The following NKAIN2 variants were observed in gnomAD, a reference collection of about 807,000 sequenced individuals.
The protein encoded by NKAIN2 is sodium/potassium-transporting ATPase subunit beta-1-interacting protein 2.
NKAIN2 carries 14 observed loss-of-function variants against 32.6 expected under a neutral mutation model. That is an observed-to-expected ratio of 0.43 (90% CI 0.28 to 0.67). The LOEUF (loss-of-function observed/expected upper bound fraction) is 0.67, where lower values mean the gene tolerates loss of function less well. NKAIN2 is among the 30% of genes least tolerant of loss of function. NKAIN2 has a pLI of 0.17. For synonymous variants in NKAIN2, 80 were observed against 87.2 expected (o/e 0.92, Z 0.46); for missense variants, 198 against 258.3 (o/e 0.77, Z 1.60).
intron 1 of NKAIN2, among the ~76,000 whole-genome samples, chr6:123,809,994 T>C (rs1270095241): frequency 2.0e-5 from 3 of 152,222 alleles, no homozygotes; most frequent in Non-Finnish European, 4.4e-5. Context: ...TAATTTGTTA[T>C]GCATTTAAAA....
rs1020062409 is a variant in NKAIN2 at position 124,755,093 on chromosome 6, A to G, written c.475-36246A>G. Among the ~76,000 whole-genome samples the G allele has an allele frequency of 4.6e-5, 7 of 152,292 alleles. No homozygotes were observed. The South Asian group carries it at 8.3e-4, about 18-fold the overall frequency. Reference sequence around the variant, plus strand: ...AAAGAAGCCAGTAGTGGCTCAGTCCAGGTCCAAAAACCTCAAAAGCAGGGA... The same window carrying G: ...AAAGAAGCCAGTAGTGGCTCAGTCCGGGTCCAAAAACCTCAAAAGCAGGGA... On this transcript the variant is annotated intron_variant, in intron 4 of 6. Transcript: ENST00000368417.
intron 4 of NKAIN2, among the ~76,000 whole-genome samples, chr6:124,789,569 G>A (rs1779651927): frequency 6.6e-6 from 1 of 151,918 alleles, no homozygotes; most frequent in African/African-American, 2.4e-5. Flanking sequence ...AGATCATGAT[G>A]TGTTAGTATA....
chr6:123,908,820 G>A (rs1775018921), intron 1 of NKAIN2, among the ~76,000 whole-genome samples: 1 of 152,140 alleles, frequency 6.6e-6, no homozygotes, highest in African/African-American at 2.4e-5. Context: ...ACAGAGGACA[G>A]GAATTTAATT....
chr6:124,531,348 G>A (rs1277237524), intron 3 of NKAIN2, among the ~76,000 whole-genome samples: 1 of 152,222 alleles, frequency 6.6e-6, no homozygotes, highest in East Asian at 1.9e-4. Context: ...GTTGAAAAAT[G>A]TGCCTCTTGG....
chr6:124,433,308 A>G (rs1340358317), intron 3 of NKAIN2, among the ~76,000 whole-genome samples: 1 of 152,162 alleles, frequency 6.6e-6, no homozygotes, highest in Non-Finnish European at 1.5e-5. Context: ...AAGAAAGCTA[A>G]TGCTGTGTCT....
intron 2 of NKAIN2, among the ~76,000 whole-genome samples, chr6:124,318,625 T>A (rs1009118029): frequency 6.6e-6 from 1 of 152,058 alleles, no homozygotes; most frequent in African/African-American, 2.4e-5. Context: ...TGTCTTTGTC[T>A]TAAATCTCCT....
chr6:124,117,742 C>T (rs1255244329), intron 1 of NKAIN2, among the ~76,000 whole-genome samples: 1 of 151,712 alleles, frequency 6.6e-6, no homozygotes, highest in Non-Finnish European at 1.5e-5. Context: ...TATGATTTAA[C>T]TTGTGTTATG....
intron 1 of NKAIN2, among the ~76,000 whole-genome samples, chr6:124,212,602 T>G (rs1791245830): frequency 6.6e-6 from 1 of 152,128 alleles, no homozygotes; most frequent in Non-Finnish European, 1.5e-5. Context: ...TCATAGTCAT[T>G]GCTATATATT....
chr6:124,133,596 G>GA (rs977226672), intron 1 of NKAIN2, among the ~76,000 whole-genome samples: 1 of 151,736 alleles, frequency 6.6e-6, no homozygotes, highest in Non-Finnish European at 1.5e-5. Flanking sequence ...ATAAACACCA[G>GA]AAAAAAAATT....
At chr6:124,286,642 T>TTGTGTGTGTGTGTG (rs56396833) in intron 2 of NKAIN2, among the ~76,000 whole-genome samples, 33 of 144,590 alleles carry the variant, frequency 2.3e-4, no homozygotes, top group Middle Eastern at 6.9e-3. Context: ...GTTTGGAAAA[T>TTGTGTGTGTGTGTG]TGTGTGTGTG....
At chr6:124,587,432 C>T (rs989724253) in intron 3 of NKAIN2, among the ~76,000 whole-genome samples, 1 of 151,356 alleles carries the variant, frequency 6.6e-6, no homozygotes, top group Non-Finnish European at 1.5e-5. Flanking sequence ...GTTAGTCAGG[C>T]TGGTCTCGAA....
chr6:123,860,080 G>C (rs1775722222), intron 1 of NKAIN2, among the ~76,000 whole-genome samples: 1 of 152,154 alleles, frequency 6.6e-6, no homozygotes, highest in African/African-American at 2.4e-5. Flanking sequence ...GATAAGGAAA[G>C]TCAATGCCAC....
chr6:124,767,587 T>A (rs9401772), intron 4 of NKAIN2, among the ~76,000 whole-genome samples: 55,432 of 151,872 alleles, frequency 0.36, 10,701 homozygotes, highest in East Asian at 0.72. Context: ...TTCAGCTCTA[T>A]TTTTTTTCTC....
At chr6:124,733,681 G>T (rs1776795299) in intron 4 of NKAIN2, among the ~76,000 whole-genome samples, 1 of 151,654 alleles carries the variant, frequency 6.6e-6, no homozygotes, top group Admixed American at 6.6e-5. Flanking sequence ...ATGATCCATG[G>T]GGTAATGGAT....
At chr6:123,976,242 C>A (rs1778562146) in intron 1 of NKAIN2, among the ~76,000 whole-genome samples, 1 of 122,486 alleles carries the variant, frequency 8.2e-6, no homozygotes, top group African/African-American at 3.1e-5. Flanking sequence ...CAGACAATAG[C>A]AAGAACATAT....
At chr6:124,233,540 C>G (rs1792572971) in intron 1 of NKAIN2, among the ~76,000 whole-genome samples, 1 of 152,172 alleles carries the variant, frequency 6.6e-6, no homozygotes. Context: ...TATGCTTGGT[C>G]CTTTTCCTTG....
Position 124,230,397 on chromosome 6 carries a change from T to C in NKAIN2, c.55-52608T>C, listed in dbSNP as rs57470983. The stretch of plus-strand genomic sequence containing the variant: ...CCTGACAATGTGATAGAAAACCAAG[T>C]CTCATTTTCTGAGAAATTCAAGCCA... On this transcript the variant is annotated intron_variant, in intron 1 of 6. Transcript: ENST00000368417. Among the ~76,000 whole-genome samples the C allele has an allele frequency of 2.3e-4, 35 of 152,304 alleles. No homozygotes were observed. The South Asian group carries it at 6.6e-3, about 29-fold the overall frequency.
chr6:124,457,966 G>T (rs902037099), intron 3 of NKAIN2, among the ~76,000 whole-genome samples: 1 of 151,928 alleles, frequency 6.6e-6, no homozygotes, highest in East Asian at 1.9e-4. Context: ...AGATGCTAAA[G>T]AGATTGCTTT....
chr6:124,109,831 T>C (rs1387771918), intron 1 of NKAIN2, among the ~76,000 whole-genome samples: 1 of 152,038 alleles, frequency 6.6e-6, no homozygotes, highest in African/African-American at 2.4e-5. Flanking sequence ...TTTTGCCAAA[T>C]TCTTTTTGTG....
Sources: gnomAD v4.1 joint callset for allele counts (sites outside exome capture counted in the v4.1 genomes callset) on GRCh38, gnomAD v4.1.1 for gene constraint, MANE v1.5 for transcripts, NCBI Gene and HGNC (gene_info 2026-07-23, HGNC 2026-07-21) for gene names.